Variants in PCNX1 observed in about 807,000 individuals in gnomAD.
The protein encoded by PCNX1 is pecanex 1.
In PCNX1, 78 loss-of-function variants were observed where a neutral mutation model predicts 242.2. The observed-to-expected ratio is 0.32, with a 90% CI of 0.27 to 0.39. The LOEUF (loss-of-function observed/expected upper bound fraction) is 0.39. PCNX1 is among the 10% of genes least tolerant of loss of function. The pLI, the probability that PCNX1 is intolerant of heterozygous loss-of-function variation, is 1.00. For missense variants in PCNX1, 2,581 were observed against 2,856.5 expected, an observed-to-expected ratio of 0.90 and a Z score of 2.20; for synonymous variants, 1,024 against 1,032.9, an observed-to-expected ratio of 0.99 and a Z score of 0.17.
In PCNX1 at chr14:71,026,807, G is replaced by T; in HGVS notation, c.3391G>T (p.Gly1131Cys). ...CTGTTTCCCAATAGTGTTTTTCATT[G>T]GTCTCCTGCCTCAGGTGAATACATT... ...TLCFPIVFFI[G>C]LLPQVNTFVM... Residue 1131 changes from glycine (G) to cysteine (C), a missense_variant, in exon 15 of 36, where the codon GGT (glycine) becomes TGT (cysteine). Coordinates refer to ENST00000304743, the MANE Select transcript of PCNX1 (RefSeq NM_014982.3). 6.4e-7 allele frequency: 1 copy of T among 1,564,160 alleles called. No homozygotes were observed. Among genetic ancestry groups the T allele is most frequent in the Non-Finnish European group, 8.8e-7 (1 of 1,136,760 alleles).
At chr14:70,997,314 T>TAA (rs2059382575) in intron 8 of PCNX1, among the ~76,000 whole-genome samples, 1 of 152,118 alleles carries the variant, frequency 6.6e-6, no homozygotes, top group African/African-American at 2.4e-5. Context: ...ATTGGCTTTA[T>TAA]AGTAGTAGAT....
chr14:70,948,780 GTATA>G (rs766901435), intron 2 of PCNX1, among the ~76,000 whole-genome samples: 4 of 144,618 alleles, frequency 2.8e-5, no homozygotes, highest in Non-Finnish European at 3.0e-5. Context: ...TATGTATAGT[GTATA>G]TATACTTATA....
At chr14:71,106,424 T>C (rs932136605) in intron 33 of PCNX1, among the ~76,000 whole-genome samples, 8 of 152,348 alleles carry the variant, frequency 5.3e-5, no homozygotes, top group African/African-American at 1.7e-4. Context: ...ATAGTCTTTG[T>C]ATATAAGTCT....
intron 16 of PCNX1, among the ~76,000 whole-genome samples, chr14:71,032,651 T>A (rs967764953): frequency 6.6e-6 from 1 of 152,208 alleles, no homozygotes; most frequent in Non-Finnish European, 1.5e-5. Flanking sequence ...GGGTCCCCAC[T>A]CCTACCATGT....
intron 8 of PCNX1, among the ~76,000 whole-genome samples, chr14:70,996,547 C>T (rs985290835): frequency 1.3e-5 from 2 of 152,072 alleles, no homozygotes; most frequent in Admixed American, 6.5e-5. Flanking sequence ...TATCATTAAA[C>T]ATCAGTGATA....
At chr14:70,908,262 A>C (rs1265560169) in intron 1 of PCNX1, among the ~76,000 whole-genome samples, 1 of 151,556 alleles carries the variant, frequency 6.6e-6, no homozygotes, top group East Asian at 1.9e-4. Flanking sequence ...GCAGCGTCCT[A>C]GGCCCCTTCT....
In PCNX1 at chr14:71,047,889, G is replaced by A. The variant is rs370396531; in HGVS notation, c.4243G>A (p.Val1415Ile). The A allele has an allele frequency of 1.2e-6, 2 of 1,613,202 alleles. No individual in the cohort carries two copies. Among genetic ancestry groups the A allele is most frequent in the Admixed American group, 3.3e-5 (2 of 59,976 alleles). The change falls in exon 22 of 36, where the codon GTC becomes ATC. Residue 1415 changes from valine to isoleucine, a missense_variant. Coordinates refer to ENST00000304743, the MANE Select transcript of PCNX1 (RefSeq NM_014982.3). Reference sequence around the variant, plus strand: ...CAGCCCTACATATCAGTATGTTACAGTCATCTTTACTGTGCTGTTTTTCAA... The same window carrying A: ...CAGCCCTACATATCAGTATGTTACAATCATCTTTACTGTGCTGTTTTTCAA... ...FSSPTYQYVT[V>I]IFTVLFFKFD... is the part of the protein sequence containing the mutation.
intron 2 of PCNX1, among the ~76,000 whole-genome samples, chr14:70,951,468 A>G (rs560299340): frequency 2.6e-5 from 4 of 152,034 alleles, no homozygotes; most frequent in Admixed American, 2.6e-4. Context: ...TCCACCTCCC[A>G]GGTTCAAACG....
In PCNX1 at chr14:71,110,079, C is replaced by A; in HGVS notation, c.*144C>A. The A allele has an allele frequency of 1.3e-6, 1 of 762,904 alleles. No individual in the cohort carries two copies. The highest frequency in any genetic ancestry group is 2.3e-6 in the Non-Finnish European group (1 of 434,040). The allele number at this position is 762,904 out of a possible 1,614,324, so 47.3% of individuals were successfully genotyped here. A position where few individuals can be genotyped will look rare whatever the true frequency, so the allele number is the denominator to read the frequency against. ...AAAATAGAATGAGCTTGGTTAAGCA[C>A]CTCTCCTTTGCCCTTCACCCTGACT... On this transcript the variant is annotated 3_prime_UTR_variant, in exon 36 of 36. Coordinates refer to ENST00000304743, the MANE Select transcript of PCNX1 (RefSeq NM_014982.3).
chr14:71,009,088 A>G (rs1457146161), intron 8 of PCNX1, among the ~76,000 whole-genome samples: 2 of 152,234 alleles, frequency 1.3e-5, no homozygotes, highest in Admixed American at 6.5e-5. Context: ...TGGTAGAAAC[A>G]TACAACAAAT....
chr14:71,108,844 G>A lies in PCNX1; in HGVS notation c.6542G>A (p.Ser2181Asn). ...AACCAAATGGAACCCTCAGGTCAGA[G>A]CGGCCTGGCCTGTGTGCAGCACGGC... Reference protein sequence around the residue: ...MVNQMEPSGQSGLACVQHGLP... With the variant: ...MVNQMEPSGQNGLACVQHGLP... Residue 2181 changes from serine (S) to asparagine (N), a missense_variant, in exon 34 of 36, where the codon AGC becomes AAC. Physicochemically the swap from Ser to Asn is conservative, Grantham distance 46. Transcript: ENST00000304743. 1 of 1,614,236 alleles carries A rather than the reference G, an allele frequency of 6.2e-7. No individual in the cohort carries two copies. The highest frequency in any genetic ancestry group is 8.5e-7 in the Non-Finnish European group (1 of 1,180,034).
intron 28 of PCNX1, among the ~76,000 whole-genome samples, chr14:71,082,355 C>G (rs1367309444): frequency 6.6e-6 from 1 of 152,154 alleles, no homozygotes; most frequent in Non-Finnish European, 1.5e-5. Context: ...GTGGAGAGTT[C>G]TGTAGACATC....
At chr14:70,943,974 G>A (rs890143030) in intron 1 of PCNX1, among the ~76,000 whole-genome samples, 5 of 152,236 alleles carry the variant, frequency 3.3e-5, no homozygotes, top group Admixed American at 3.3e-4. Flanking sequence ...GGGAACCCTT[G>A]CCTGGATTTC....
intron 2 of PCNX1, among the ~76,000 whole-genome samples, chr14:70,958,063 T>G (rs1339597546): frequency 1.3e-5 from 2 of 152,196 alleles, no homozygotes; most frequent in Non-Finnish European, 2.9e-5. Context: ...TTTTTCCAAT[T>G]TAGAAAAATT....
At chr14:71,039,002 C>G (rs1396492915) in intron 19 of PCNX1, among the ~76,000 whole-genome samples, 2 of 151,210 alleles carry the variant, frequency 1.3e-5, no homozygotes, top group Non-Finnish European at 2.9e-5. Flanking sequence ...TATTCTCACT[C>G]ATAGGTGGGA....
At chr14:71,000,006 C>G (rs2059456104) in intron 8 of PCNX1, among the ~76,000 whole-genome samples, 2 of 151,966 alleles carry the variant, frequency 1.3e-5, no homozygotes, top group African/African-American at 4.8e-5. Context: ...TTCATCTGAA[C>G]AAAAAAGTTA....
At chr14:70,940,307 T>C (rs1327352318) in intron 1 of PCNX1, among the ~76,000 whole-genome samples, 1 of 152,210 alleles carries the variant, frequency 6.6e-6, no homozygotes, top group Non-Finnish European at 1.5e-5. Flanking sequence ...CTTCAGGAGC[T>C]CTTGTAAGGC....
At chr14:70,931,036 C>T (rs937939739) in intron 1 of PCNX1, among the ~76,000 whole-genome samples, 6 of 152,056 alleles carry the variant, frequency 3.9e-5, no homozygotes, top group Non-Finnish European at 8.8e-5. Flanking sequence ...TCTTTCTGAT[C>T]CCTCTTAATT....
intron 8 of PCNX1, among the ~76,000 whole-genome samples, chr14:70,998,127 TA>T (rs201441887): frequency 6.6e-5 from 10 of 151,114 alleles, no homozygotes; most frequent in Non-Finnish European, 1.3e-4. Context: ...TGTTTTGCAT[TA>T]AAAAAAAACT....
Sources: allele counts gnomAD v4.1 joint callset (sites outside exome capture counted in the v4.1 genomes callset), GRCh38; gene constraint gnomAD v4.1.1; transcripts MANE v1.5; gene names NCBI Gene and HGNC (gene_info 2026-07-23, HGNC 2026-07-21).